The following RAB38 variants were observed in gnomAD, a reference collection of about 807,000 sequenced individuals.
The protein encoded by RAB38 is ras-related protein Rab-38.
A neutral mutation model predicts 18.4 loss-of-function variants in RAB38; 15 were observed. The observed-to-expected ratio is 0.82, with a 90% CI of 0.55 to 1.26. The LOEUF (loss-of-function observed/expected upper bound fraction) is 1.26. RAB38 is among the 50% of genes most tolerant of loss of function. RAB38 has a pLI of 0.00. For synonymous variants in RAB38, 101 were observed against 104.4 expected, an observed-to-expected ratio of 0.97 and a Z score of 0.20; for missense variants, 294 against 267.4, an observed-to-expected ratio of 1.10 and a Z score of -0.69.
the RAB38 span, among the ~76,000 whole-genome samples, chr11:88,003,746 A>G: frequency 1.1e-4 from 1 of 9,414 alleles, no homozygotes; most frequent in Admixed American, 1.3e-3. Context: ...TATATATTAT[A>G]TATAATATAT....
the RAB38 span, among the ~76,000 whole-genome samples, chr11:87,857,240 C>T: frequency 0.044 from 6,670 of 152,262 alleles, 283 homozygotes; most frequent in Admixed American, 0.13. Flanking sequence ...ATATATGCCA[C>T]ATTTTCTTAA....
the RAB38 span, among the ~76,000 whole-genome samples, chr11:88,044,840 G>A: frequency 6.7e-6 from 1 of 150,226 alleles, no homozygotes; most frequent in Admixed American, 6.6e-5. Flanking sequence ...CTCCCCGCCA[G>A]GCCGAGCCAG....
At chr11:87,950,562 C>G in the RAB38 span, among the ~76,000 whole-genome samples, 75 of 152,246 alleles carry the variant, frequency 4.9e-4, no homozygotes, top group African/African-American at 1.7e-3. Flanking sequence ...CCTTCAGGAG[C>G]TCTTTTAAGG....
chr11:87,964,813 T>C, the RAB38 span, among the ~76,000 whole-genome samples: 8 of 152,196 alleles, frequency 5.3e-5, no homozygotes, highest in African/African-American at 1.9e-4. Flanking sequence ...CAAAAACATA[T>C]GTTGTAGCAC....
At chr11:88,087,435 C>T in the RAB38 span, among the ~76,000 whole-genome samples, 1 of 151,976 alleles carries the variant, frequency 6.6e-6, no homozygotes, top group African/African-American at 2.4e-5. Flanking sequence ...ACAGATGAGC[C>T]CCAACTTTGC....
the RAB38 span, among the ~76,000 whole-genome samples, chr11:88,039,138 T>G: frequency 2.0e-5 from 3 of 152,186 alleles, no homozygotes; most frequent in African/African-American, 4.8e-5. Flanking sequence ...CCTTTGTTTT[T>G]AGTTGGAGCC....
the RAB38 span, among the ~76,000 whole-genome samples, chr11:87,961,786 C>T: frequency 6.6e-6 from 1 of 152,138 alleles, no homozygotes; most frequent in Non-Finnish European, 1.5e-5. Context: ...TGGGAATTGT[C>T]TTTAGCTCTA....
the RAB38 span, among the ~76,000 whole-genome samples, chr11:87,809,542 C>T: frequency 2.6e-5 from 4 of 152,138 alleles, no homozygotes; most frequent in African/African-American, 9.7e-5. Flanking sequence ...ACTTTTGATA[C>T]TAAATCAAGA....
the RAB38 span, among the ~76,000 whole-genome samples, chr11:88,099,167 G>A: frequency 1.3e-5 from 2 of 151,762 alleles, no homozygotes; most frequent in South Asian, 2.1e-4. Context: ...AAAATCAAAC[G>A]TAATTGAAAT....
intron 2 of RAB38, among the ~76,000 whole-genome samples, chr11:88,139,173 T>A (rs764062227): frequency 5.9e-5 from 9 of 152,174 alleles, no homozygotes; most frequent in African/African-American, 1.2e-4. Context: ...TAACAACATG[T>A]TCTTGATTAG....
At chr11:87,935,099 A>G in the RAB38 span, among the ~76,000 whole-genome samples, 1 of 151,780 alleles carries the variant, frequency 6.6e-6, no homozygotes, top group Non-Finnish European at 1.5e-5. Flanking sequence ...TCAAGGGGAC[A>G]CAAACCAAAA....
chr11:88,057,853 C>T, the RAB38 span, among the ~76,000 whole-genome samples: 7 of 152,092 alleles, frequency 4.6e-5, no homozygotes, highest in Non-Finnish European at 5.9e-5. Flanking sequence ...CTACCCCCTG[C>T]AAAATTACCC....
the RAB38 span, among the ~76,000 whole-genome samples, chr11:88,052,901 CATATATATATATATAT>C: frequency 0.053 from 1,146 of 21,516 alleles, 51 homozygotes; most frequent in Non-Finnish European, 0.076. Context: ...GAAAAAATTT[CATATATATATATATAT>C]ATATATATAT....
the RAB38 span, among the ~76,000 whole-genome samples, chr11:88,026,534 G>C: frequency 7.7e-6 from 1 of 130,028 alleles, no homozygotes; most frequent in Admixed American, 9.1e-5. Context: ...CTGCACTCCA[G>C]CCTGGGCTAC....
chr11:88,032,635 A>C, the RAB38 span, among the ~76,000 whole-genome samples: 1 of 152,240 alleles, frequency 6.6e-6, no homozygotes, highest in Non-Finnish European at 1.5e-5. Flanking sequence ...AACGCTCGCC[A>C]TCACTGGCCA....
chr11:87,973,390 A>G, the RAB38 span, among the ~76,000 whole-genome samples: 1 of 152,092 alleles, frequency 6.6e-6, no homozygotes, highest in Non-Finnish European at 1.5e-5. Context: ...AAGTGGACAC[A>G]ACACATGAAG....
At chr11:88,128,668 A>C (rs550866275) in intron 2 of RAB38, among the ~76,000 whole-genome samples, 2 of 152,224 alleles carry the variant, frequency 1.3e-5, no homozygotes, top group African/African-American at 4.8e-5. Flanking sequence ...TCATATGCTC[A>C]TAGTTTTGCC....
At chr11:87,977,939 A>G in the RAB38 span, among the ~76,000 whole-genome samples, 3 of 113,392 alleles carry the variant, frequency 2.6e-5, no homozygotes, top group East Asian at 5.2e-4. Flanking sequence ...ACCTTTATAT[A>G]ATATATTAAT....
the RAB38 span, among the ~76,000 whole-genome samples, chr11:88,104,137 G>A: frequency 6.6e-6 from 1 of 152,072 alleles, no homozygotes; most frequent in Non-Finnish European, 1.5e-5. Flanking sequence ...GGGAAGTTGG[G>A]GAGGATCTGC....
Sources: allele counts gnomAD v4.1 joint callset (sites outside exome capture counted in the v4.1 genomes callset), GRCh38; gene constraint gnomAD v4.1.1; transcripts MANE v1.5; gene names NCBI Gene and HGNC (gene_info 2026-07-23, HGNC 2026-07-21).